The following CDC42BPG variants were observed in gnomAD, a reference collection of about 807,000 sequenced individuals.
CDC42BPG encodes CDC42 binding protein kinase gamma, also known as serine/threonine-protein kinase MRCK gamma.
CDC42BPG carries 157 observed loss-of-function variants against 192.2 expected under a neutral mutation model. The ratio of observed to expected loss-of-function variants is 0.82; its 90% CI spans 0.72 to 0.93. The LOEUF (loss-of-function observed/expected upper bound fraction) is 0.93. Ranked by LOEUF, CDC42BPG falls within the 40% of genes least tolerant of loss-of-function variation. CDC42BPG has a pLI of 0.00. For missense variants in CDC42BPG, 1,992 were observed against 2,122.1 expected (o/e 0.94, Z 1.20); for synonymous variants, 981 against 918.5 (o/e 1.07, Z -1.23).
chr11:64,841,242 C>T (rs1258191394), intron 3 of CDC42BPG, among the ~76,000 whole-genome samples: 2 of 151,874 alleles, frequency 1.3e-5, no homozygotes, highest in East Asian at 3.9e-4. Flanking sequence ...CATCTGAGGT[C>T]AGGAGTTCGA....
Position 64,836,705 on chromosome 11 carries a change from C to CCGGGGGGGGG in CDC42BPG, c.1384+33_1384+34insCCCCCCCCCG, listed in dbSNP as rs1192864769. 2.4e-3 allele frequency: 848 copies of CCGGGGGGGGG among 348,790 alleles called. 168 individuals are homozygous for CCGGGGGGGGG. The highest frequency in any genetic ancestry group is 4.2e-3 in the Middle Eastern group (5 of 1,182). The allele number at this position is 348,790 out of a possible 1,614,324, so 21.6% of individuals were successfully genotyped here. On this transcript the variant is annotated intron_variant, in intron 11 of 36. Coordinates refer to ENST00000342711, the MANE Select transcript of CDC42BPG (RefSeq NM_017525.3). ...ACCCGAGCCCAGGTGGGACTCAGCC[C>CCGGGGGGGGG]TGGGGGGGGGGGGGGGGTGGGCGGA...
At position 64,830,047 on chromosome 11, in the gene CDC42BPG, G is replaced by A. The variant is rs759320375; in HGVS notation, c.3391C>T (p.Arg1131Trp). 6.2e-6 allele frequency: 10 copies of A among 1,612,368 alleles called. No individual in the cohort carries two copies. The highest frequency in any genetic ancestry group is 5.5e-5 in the South Asian group (5 of 91,082). The change falls in exon 30 of 37, where the codon CGG (arginine) becomes TGG (tryptophan). Residue 1131 changes from arginine (R) to tryptophan (W), a missense_variant. This residue lies in a region of CDC42BPG where 1,656 missense variants were observed against 1,844.3 expected (regional missense o/e 0.90). Transcript: ENST00000342711. ...CTCAAGGTCAGCTGCTGCACGCGCC[G>A]GCACTCCCCCACCTGGAAGATGTCT... ...SNDIFQVGECRRVQQLTLSPS... is the reference protein window; with the variant it reads ...SNDIFQVGECWRVQQLTLSPS...
Position 64,836,720 on chromosome 11 carries a change from G to GGGGGGGT in CDC42BPG, c.1384+18_1384+19insACCCCCC. On this transcript the variant is annotated intron_variant, in intron 11 of 36. Coordinates refer to ENST00000342711, the MANE Select transcript of CDC42BPG (RefSeq NM_017525.3). ...GGACTCAGCCCTGGGGGGGGGGGGG[G>GGGGGGGT]GGTGGGCGGAAGGGATACCTGGCAG... The GGGGGGGT allele has an allele frequency of 1.2e-6, 1 of 843,822 alleles. No individual in the cohort carries two copies. The highest frequency in any genetic ancestry group is 1.7e-6 in the Non-Finnish European group (1 of 584,546). 52.3% of individuals were successfully genotyped at this position (843,822 alleles called of 1,614,324 possible).
chr11:64,842,649 G>C (rs921807192), intron 1 of CDC42BPG, among the ~76,000 whole-genome samples: 1 of 152,182 alleles, frequency 6.6e-6, no homozygotes, highest in Non-Finnish European at 1.5e-5. Context: ...TCCCTGTCTG[G>C]ACGAAGCTTT....
chr11:64,829,499 C>T lies in CDC42BPG; in HGVS notation c.3939G>A (p.Leu1313=), dbSNP rs200279400. ...AGCCCATGGGCGCTGCTGGCCACAA[C>T]AGCTCGTGGCCACGAGACTTGCGGC... ...GAGRKSRGHE[L]LWPAAPMGWG... Residue 1313 remains leucine (L), a synonymous_variant, in exon 30 of 37, where the codon CTG becomes CTA. Coordinates refer to ENST00000342711, the MANE Select transcript of CDC42BPG (RefSeq NM_017525.3). The T allele has an allele frequency of 3.7e-6, 6 of 1,612,962 alleles. No homozygotes were observed. The highest frequency in any genetic ancestry group is 5.1e-6 in the Non-Finnish European group (6 of 1,179,938).
chr11:64,835,900 C>T (rs761311721), intron 13 of CDC42BPG, 49 bp from the exon 14 acceptor site: 2 of 1,524,614 alleles, frequency 1.3e-6, no homozygotes, highest in South Asian at 1.2e-5. Context: ...CCTCGGCAGC[C>T]CCTCTGCCCA....
chr11:64,832,851 C>T lies in CDC42BPG; in HGVS notation c.2840G>A (p.Gly947Asp). 2.5e-6 allele frequency: 4 copies of T among 1,577,016 alleles called. No homozygotes were observed. Among genetic ancestry groups the T allele is most frequent in the Non-Finnish European group, 2.6e-6 (3 of 1,161,564 alleles). The change falls in exon 25 of 37, where the codon GGC (glycine) becomes GAC (aspartate). Residue 947 changes from glycine (G) to aspartate (D), a missense_variant. Around this residue, in one of 2 missense-constraint regions of CDC42BPG, gnomAD observed 1,656 missense variants for 1,844.3 expected, o/e 0.90. Transcript: ENST00000342711. The stretch of plus-strand genomic sequence containing the variant: ...CGACAGAAAGCCCTCATAGGCAGTG[C>T]CTGTGCCTGTTTCGGGGTGTACTCC... ...ALGVHPETGT[G>D]TAYEGFLSVP...
In CDC42BPG at chr11:64,836,306, C is replaced by T. The variant is rs1174985967; in HGVS notation, c.1489-10G>A. The stretch of plus-strand genomic sequence containing the variant: ...GACCCTCGGCCAGCTCCTGAGGAGG[C>T]AGGGGAGGGAGCGGGGAAGGACAAG... On this transcript the variant is annotated splice_polypyrimidine_tract_variant and intron_variant, in intron 12 of 36. Coordinates refer to ENST00000342711, the MANE Select transcript of CDC42BPG (RefSeq NM_017525.3). 1.2e-6 allele frequency: 2 copies of T among 1,607,844 alleles called. No individual in the cohort carries two copies. Among genetic ancestry groups the T allele is most frequent in the Non-Finnish European group, 1.7e-6 (2 of 1,177,934 alleles).
rs1178358943 is a variant in CDC42BPG, at chr11:64,823,128, C to T, written c.*1345G>A. 3.0e-4 allele frequency among the ~76,000 whole-genome samples: 46 copies of T among 150,836 alleles called. 1 individual carries two copies. The highest frequency in any genetic ancestry group is 6.3e-4 in the South Asian group (3 of 4,744). On this transcript the variant is annotated 3_prime_UTR_variant, in exon 37 of 37. Coordinates refer to ENST00000342711, the MANE Select transcript of CDC42BPG (RefSeq NM_017525.3). Reference sequence around the variant, plus strand: ...TTGAGACGGAGTCTCACTCTGTCACCCAGGCTGGAGTGCAGTGGCGCGATC... The same window carrying T: ...TTGAGACGGAGTCTCACTCTGTCACTCAGGCTGGAGTGCAGTGGCGCGATC...
Position 64,823,997 on chromosome 11 carries a change from T to G in CDC42BPG, c.*476A>C, listed in dbSNP as rs1942330924. Reference sequence around the variant, plus strand: ...CTTTCCCTCCTTCTCTATCTTCCCTTCTTCTGGATCACAGCCTGTTTTTCT... The same window carrying G: ...CTTTCCCTCCTTCTCTATCTTCCCTGCTTCTGGATCACAGCCTGTTTTTCT... On this transcript the variant is annotated 3_prime_UTR_variant, in exon 37 of 37. Transcript: ENST00000342711. The G allele has an allele frequency of 5.5e-6, 1 of 180,890 alleles. No individual in the cohort carries two copies. The highest frequency in any genetic ancestry group is 1.2e-5 in the Non-Finnish European group (1 of 85,180). 11.2% of individuals were successfully genotyped at this position (180,890 alleles called of 1,614,324 possible).
intron 36 of CDC42BPG, 71 bp from the exon 37 acceptor site, chr11:64,824,600 C>G: frequency 2.8e-6 from 3 of 1,065,984 alleles, no homozygotes; most frequent in Non-Finnish European, 4.3e-6. Flanking sequence ...GCTGGTGGGT[C>G]CTGGAGGCCC....
chr11:64,823,201 C>T lies in CDC42BPG; in HGVS notation c.*1272G>A, dbSNP rs1300015862. Among the ~76,000 whole-genome samples, 2 of 151,928 alleles carry T rather than the reference C, an allele frequency of 1.3e-5. No individual in the cohort carries two copies. Among genetic ancestry groups the T allele is most frequent in the Admixed American group, 6.6e-5 (1 of 15,254 alleles). On this transcript the variant is annotated 3_prime_UTR_variant, in exon 37 of 37. Coordinates refer to ENST00000342711, the MANE Select transcript of CDC42BPG (RefSeq NM_017525.3). ...TCCCGGGTTCACGCCATTCTCCTGC[C>T]TCAGCCTCCCGAGTAGCAGGGACTA... is the stretch of plus-strand genomic sequence containing the variant.
intron 20 of CDC42BPG, 121 bp downstream of exon 20, chr11:64,834,145 G>T: frequency 1.5e-6 from 2 of 1,375,264 alleles, no homozygotes; most frequent in Non-Finnish European, 2.0e-6. Context: ...TGGAGTAAGC[G>T]GCAGAGTCCA....
intron 11 of CDC42BPG, 30 bp downstream of exon 11, chr11:64,836,709 G>GGGGGT (rs1555173119): frequency 1.4e-6 from 1 of 695,478 alleles, no homozygotes; most frequent in Non-Finnish European, 2.1e-6. Flanking sequence ...TCAGCCCTGG[G>GGGGGT]GGGGGGGGGG....
chr11:64,824,696 G>C (rs573317319), intron 36 of CDC42BPG, among the ~76,000 whole-genome samples, 167 bp from the exon 37 acceptor site: 1 of 152,284 alleles, frequency 6.6e-6, no homozygotes, highest in East Asian at 1.9e-4. Context: ...TGGGTCACTG[G>C]AAGAACCTGG....
In CDC42BPG at chr11:64,830,041, C is replaced by T. The variant is rs375560474; in HGVS notation, c.3397G>A (p.Val1133Met). Reference protein sequence around the residue: ...DIFQVGECRRVQQLTLSPSAG... With the variant: ...DIFQVGECRRMQQLTLSPSAG... Reference sequence around the variant, plus strand: ...CTGGGGCTCAAGGTCAGCTGCTGCACGCGCCGGCACTCCCCCACCTGGAAG... The same window carrying T: ...CTGGGGCTCAAGGTCAGCTGCTGCATGCGCCGGCACTCCCCCACCTGGAAG... Residue 1133 changes from valine to methionine, a missense_variant, in exon 30 of 37, where the codon GTG (valine) becomes ATG (methionine). By Grantham distance (21) the Val-to-Met change is conservative (BLOSUM62 1). Around this residue, in one of 2 missense-constraint regions of CDC42BPG, gnomAD observed 1,656 missense variants for 1,844.3 expected, o/e 0.90. Coordinates refer to ENST00000342711, the MANE Select transcript of CDC42BPG (RefSeq NM_017525.3). The T allele has an allele frequency of 5.0e-6, 8 of 1,612,368 alleles. No individual in the cohort carries two copies. Among genetic ancestry groups the T allele is most frequent in the Non-Finnish European group, 5.9e-6 (7 of 1,179,364 alleles).
rs748522886 is a variant in CDC42BPG at position 64,836,784 on chromosome 11, C to T, written c.1339G>A (p.Glu447Lys). Residue 447 changes from glutamate (E) to lysine (K), a missense_variant, in exon 11 of 37, where the codon GAG becomes AAG. Transcript: ENST00000342711. ...GTCTGCACTTCCTTCCGTAGCTGCT[C>T]CAGCTCCCGATGGTCTGTGGGGGCG... ...LHAPTDHRELEQLRKEVQTLR... is the reference protein window; with the variant it reads ...LHAPTDHRELKQLRKEVQTLR... The T allele has an allele frequency of 1.3e-6, 2 of 1,592,002 alleles. No homozygotes were observed. The highest frequency in any genetic ancestry group is 1.7e-5 in the Admixed American group (1 of 57,286).
chr11:64,829,520 G>A lies in CDC42BPG; in HGVS notation c.3918C>T (p.Arg1306=). The A allele has an allele frequency of 1.9e-6, 3 of 1,612,920 alleles. No homozygotes were observed. Among genetic ancestry groups the A allele is most frequent in the Admixed American group, 1.7e-5 (1 of 59,992 alleles). Residue 1306 remains arginine, a synonymous_variant, in exon 30 of 37, where the codon CGC becomes CGT. Coordinates refer to ENST00000342711, the MANE Select transcript of CDC42BPG (RefSeq NM_017525.3). ...TAGIYVDGAG[R]KSRGHELLWP... is the part of the protein sequence containing the mutation. ...ACAACAGCTCGTGGCCACGAGACTT[G>A]CGGCCTGCGCCATCCACGTAGATGC...
chr11:64,836,935 G>A lies in CDC42BPG; in HGVS notation c.1290C>T (p.Ser430=). The change falls in exon 10 of 37, where the codon AGC becomes AGT. Residue 430 remains serine (S), a synonymous_variant. Transcript: ENST00000342711. ...CGCTCCCAGTACCTTGGTGCTTCCT[G>A]CTCAGCTCCACCTTCTCCTGCTCCA... ...QCLEQEKVEL[S]RKHQEALHAP... The A allele has an allele frequency of 6.2e-7, 1 of 1,613,336 alleles. No individual in the cohort carries two copies. The highest frequency in any genetic ancestry group is 8.5e-7 in the Non-Finnish European group (1 of 1,179,794).
Sources: allele counts gnomAD v4.1 joint callset (sites outside exome capture counted in the v4.1 genomes callset), GRCh38; gene constraint gnomAD v4.1.1; regional missense constraint gnomAD v4.1.1; transcripts MANE v1.5; gene names NCBI Gene and HGNC (gene_info 2026-07-23, HGNC 2026-07-21).